SLC2A1: variants seen among roughly 807,000 people sequenced by gnomAD.
SLC2A1 encodes the protein solute carrier family 2, facilitated glucose transporter member 1.
A neutral mutation model predicts 46.6 loss-of-function variants in SLC2A1; 4 were observed. The ratio of observed to expected loss-of-function variants is 0.09; its 90% CI spans 0.04 to 0.20. SLC2A1 has a LOEUF of 0.20. Among genes scored for constraint, SLC2A1 ranks in the 10% least tolerant of loss-of-function variants. The pLI is 1.00. For synonymous variants in SLC2A1, 253 were observed against 270.0 expected (o/e 0.94, Z 0.62); for missense variants, 352 against 667.0 (o/e 0.53, Z 5.20).
intron 2 of SLC2A1, among the ~76,000 whole-genome samples, chr1:42,941,121 C>T (rs1269827382): frequency 6.6e-6 from 1 of 152,174 alleles, no homozygotes; most frequent in Non-Finnish European, 1.5e-5. Flanking sequence ...GATGGTTTCC[C>T]GTCTCTAGTC....
chr1:42,929,323 C>A lies in SLC2A1; in HGVS notation c.868-9G>T. 2 of 1,603,104 alleles carry A rather than the reference C, an allele frequency of 1.2e-6. No individual in the cohort carries two copies. The highest frequency in any genetic ancestry group is 1.7e-6 in the Non-Finnish European group (2 of 1,174,142). ...GTGGAGTAATAGAAGACCTGCCAGA[C>A]AAGAGAAACTGTTGGGGCCTACCTG... is the stretch of plus-strand genomic sequence containing the variant. On this transcript the variant is annotated splice_polypyrimidine_tract_variant and intron_variant, in intron 6 of 9. Coordinates refer to ENST00000426263, the MANE Select transcript of SLC2A1 (RefSeq NM_006516.4). This position sits in a 1 kb window ranked among gnomAD's most constrained non-coding sequence, Gnocchi z 6.0.
intron 2 of SLC2A1, among the ~76,000 whole-genome samples, chr1:42,932,636 C>T (rs1176115717): frequency 6.6e-6 from 1 of 152,208 alleles, no homozygotes; most frequent in East Asian, 1.9e-4. Context: ...CTGCAGCCTC[C>T]ATCACTGCTG....
intron 1 of SLC2A1, chr1:42,951,902 T>A (rs971395127): frequency 2.5e-6 from 1 of 404,476 alleles, no homozygotes; most frequent in Non-Finnish European, 4.4e-6. Flanking sequence ...CACAGATGTA[T>A]GAACAGGTCC....
Position 42,958,746 on chromosome 1 carries a change from C to A in SLC2A1, c.-95G>T. ...TCCCGCTCAGGCTCGTGCTCCGGTC[C>A]GGGGACTCCCACTGCGACTCTGACT... On this transcript the variant is annotated 5_prime_UTR_variant, in exon 1 of 10. Coordinates refer to ENST00000426263, the MANE Select transcript of SLC2A1 (RefSeq NM_006516.4). 1 of 1,318,678 alleles carries A rather than the reference C, an allele frequency of 7.6e-7. No homozygotes were observed. The allele number at this position is 1,318,678 out of a possible 1,614,324, so 81.7% of individuals were successfully genotyped here. A position where few individuals can be genotyped will look rare whatever the true frequency, so the allele number is the denominator to read the frequency against.
chr1:42,956,046 T>C (rs1350228182), intron 1 of SLC2A1, among the ~76,000 whole-genome samples: 1 of 152,108 alleles, frequency 6.6e-6, no homozygotes, highest in Non-Finnish European at 1.5e-5. Context: ...TCCCCAGGCC[T>C]CTAACATCAT....
chr1:42,946,581 TG>T (rs1643658069), intron 1 of SLC2A1, among the ~76,000 whole-genome samples: 1 of 152,096 alleles, frequency 6.6e-6, no homozygotes, highest in South Asian at 2.1e-4. Context: ...GAGGTGACAT[TG>T]GAGCTGGGCT....
rs755369030 is a variant in SLC2A1, at chr1:42,929,031, C to G, written c.975G>C (p.Leu325=). The change falls in exon 8 of 10, where the codon CTG becomes CTC. Residue 325 remains leucine, a splice_region_variant and synonymous_variant. Coordinates refer to ENST00000426263, the MANE Select transcript of SLC2A1 (RefSeq NM_006516.4). This position sits in a 1 kb window ranked among gnomAD's most constrained non-coding sequence, Gnocchi z 6.0. ...IVNTAFTVVS[L]FVVERAGRRT... is the part of the protein sequence containing the mutation. ...GCCGGCCTGCTCGCTCCACCACAAACAGCTGTGGGCAGAGACAGTGTCAGT... is the reference window on the plus strand; with the variant it reads ...GCCGGCCTGCTCGCTCCACCACAAAGAGCTGTGGGCAGAGACAGTGTCAGT... 6.2e-7 allele frequency: 1 copy of G among 1,613,080 alleles called. No individual in the cohort carries two copies. The highest frequency in any genetic ancestry group is 8.5e-7 in the Non-Finnish European group (1 of 1,179,908).
rs13306757 is a variant in SLC2A1 at position 42,929,866 on chromosome 1, C to T, written c.679+7G>A. ...GAGTGGGGAGGAGGGCAGGGCCATGCCCGTACCACTCTTGGCCCGGTTCTC... is the reference window on the plus strand; with the variant it reads ...GAGTGGGGAGGAGGGCAGGGCCATGTCCGTACCACTCTTGGCCCGGTTCTC... On this transcript the variant is annotated splice_region_variant and intron_variant, in intron 5 of 9. Coordinates refer to ENST00000426263, the MANE Select transcript of SLC2A1 (RefSeq NM_006516.4). This position sits in a 1 kb window ranked among gnomAD's most constrained non-coding sequence, Gnocchi z 6.0. The T allele has an allele frequency of 2.1e-5, 34 of 1,613,974 alleles. No individual in the cohort carries two copies. Among genetic ancestry groups the T allele is most frequent in the African/African-American group, 2.7e-5 (2 of 74,882 alleles).
At chr1:42,951,622 C>G in intron 1 of SLC2A1, 1 of 388,042 alleles carries the variant, frequency 2.6e-6, no homozygotes. Flanking sequence ...AGAAGACACT[C>G]TTTCATTTAT....
chr1:42,944,973 G>A lies in SLC2A1; in HGVS notation c.19-1652C>T, dbSNP rs149822774. Among the ~76,000 whole-genome samples the A allele has an allele frequency of 2.3e-3, 352 of 151,926 alleles. 1 individual carries two copies. The highest frequency in any genetic ancestry group is 8.0e-3 in the African/African-American group (332 of 41,380). On this transcript the variant is annotated intron_variant, in intron 1 of 9. Coordinates refer to ENST00000426263, the MANE Select transcript of SLC2A1 (RefSeq NM_006516.4). ...CCTTCAGGCCCAGAGCTGTTGTTCC[G>A]AGTGGGTAGTGAGCAGCTGACAAAT... is the stretch of plus-strand genomic sequence containing the variant.
rs548440696 is a variant in SLC2A1, at chr1:42,926,875, G to T, written c.*166C>A. 2.0e-6 allele frequency: 3 copies of T among 1,476,938 alleles called. No homozygotes were observed. The highest frequency in any genetic ancestry group is 1.4e-5 in the African/African-American group (1 of 70,806). 91.5% of individuals were successfully genotyped at this position (1,476,938 alleles called of 1,614,324 possible). On this transcript the variant is annotated 3_prime_UTR_variant, in exon 10 of 10. Coordinates refer to ENST00000426263, the MANE Select transcript of SLC2A1 (RefSeq NM_006516.4). Reference sequence around the variant, plus strand: ...TTGCTTTTGTTAAAATCCTGGAGCCGTTAAGTCCTGAATATTCTTCTGGAC... The same window carrying T: ...TTGCTTTTGTTAAAATCCTGGAGCCTTTAAGTCCTGAATATTCTTCTGGAC...
At chr1:42,947,713 T>TTA (rs1553157207) in intron 1 of SLC2A1, among the ~76,000 whole-genome samples, 1 of 150,356 alleles carries the variant, frequency 6.7e-6, no homozygotes, top group East Asian at 2.0e-4. Context: ...CAGAGTGAGA[T>TTA]AAAAAAAAGG....
chr1:42,958,472 G>T (rs1643805006), intron 1 of SLC2A1, among the ~76,000 whole-genome samples, 162 bp downstream of exon 1: 1 of 150,758 alleles, frequency 6.6e-6, no homozygotes, highest in Non-Finnish European at 1.5e-5. Context: ...GCCCGGCGGG[G>T]CGCTGCGCTC....
chr1:42,942,641 A>T (rs1368035278), intron 2 of SLC2A1, among the ~76,000 whole-genome samples: 1 of 151,940 alleles, frequency 6.6e-6, no homozygotes, highest in African/African-American at 2.4e-5. Flanking sequence ...CGCGGTTTCA[A>T]CCTACAAATA....
At chr1:42,940,252 G>A (rs1276328461) in intron 2 of SLC2A1, among the ~76,000 whole-genome samples, 1 of 152,166 alleles carries the variant, frequency 6.6e-6, no homozygotes, top group African/African-American at 2.4e-5. Context: ...TCGTAGTGAG[G>A]CTTCTATCCA....
chr1:42,951,731 T>C (rs1267841796), intron 1 of SLC2A1: 1 of 395,662 alleles, frequency 2.5e-6, no homozygotes, highest in Admixed American at 4.4e-5. Context: ...ACAGCTTGGA[T>C]GCCAGGACCT....
rs112807831 is a variant in SLC2A1, at chr1:42,936,144, A to G, written c.115-4938T>C. On this transcript the variant is annotated intron_variant, in intron 2 of 9. Coordinates refer to ENST00000426263, the MANE Select transcript of SLC2A1 (RefSeq NM_006516.4). Reference sequence around the variant, plus strand: ...GACATTCCTTTACCCCAGGAGGACTAGGTCAGTTAGGTCATCCCCAGCAGG... The same window carrying G: ...GACATTCCTTTACCCCAGGAGGACTGGGTCAGTTAGGTCATCCCCAGCAGG... Among the ~76,000 whole-genome samples the G allele has an allele frequency of 6.7e-3, 1,021 of 152,204 alleles. 13 individuals carry two copies. Among genetic ancestry groups the G allele is most frequent in the African/African-American group, 0.023 (957 of 41,528 alleles).
chr1:42,939,906 T>C (rs1039500224), intron 2 of SLC2A1, among the ~76,000 whole-genome samples: 12 of 140,618 alleles, frequency 8.5e-5, no homozygotes, highest in African/African-American at 3.3e-4. Context: ...TGAGCCAAGA[T>C]CATGCCACTG....
chr1:42,934,089 G>C (rs949092558), intron 2 of SLC2A1, among the ~76,000 whole-genome samples: 1 of 152,194 alleles, frequency 6.6e-6, no homozygotes, highest in African/African-American at 2.4e-5. Context: ...GCTAAGTAAG[G>C]CTTGAAACTA....
Sources: allele counts gnomAD v4.1 joint callset (sites outside exome capture counted in the v4.1 genomes callset), GRCh38; gene constraint gnomAD v4.1.1; non-coding constraint Gnocchi (gnomAD v3.1); transcripts MANE v1.5; gene names NCBI Gene and HGNC (gene_info 2026-07-23, HGNC 2026-07-21).